Variants in PCDH15 observed in about 807,000 individuals in gnomAD.
PCDH15 encodes the protein protocadherin related 15.
In PCDH15, 129 loss-of-function variants were observed where a neutral mutation model predicts 178.5. The observed-to-expected ratio is 0.72, with a 90% CI of 0.63 to 0.84. PCDH15 has a LOEUF of 0.84. Among genes scored for constraint, PCDH15 ranks in the 40% least tolerant of loss-of-function variants. The pLI, the probability that PCDH15 is intolerant of heterozygous loss-of-function variation, is 0.00. For synonymous variants in PCDH15, 800 were observed against 732.0 expected (o/e 1.09, Z -1.50); for missense variants, 2,230 against 2,099.9 (o/e 1.06, Z -1.21).
intron 26 of PCDH15, among the ~76,000 whole-genome samples, chr10:53,901,355 C>A (rs1302384751): frequency 6.6e-6 from 1 of 152,086 alleles, no homozygotes; most frequent in Non-Finnish European, 1.5e-5. Context: ...ACAAAAACCA[C>A]CAAGTCATTC....
At chr10:54,069,023 G>T (rs996526096) in intron 17 of PCDH15, among the ~76,000 whole-genome samples, 4 of 152,050 alleles carry the variant, frequency 2.6e-5, no homozygotes, top group African/African-American at 9.7e-5. Context: ...CTCCCAAAAG[G>T]CTACCATGCT....
intron 2 of PCDH15, among the ~76,000 whole-genome samples, chr10:55,539,057 T>C (rs1234232178): frequency 6.8e-6 from 1 of 148,048 alleles, no homozygotes; most frequent in Non-Finnish European, 1.5e-5. Context: ...CCTCCCTCCC[T>C]TCCTCTCTCT....
At chr10:55,022,253 G>T (rs1390157591) in intron 2 of PCDH15, among the ~76,000 whole-genome samples, 1 of 152,026 alleles carries the variant, frequency 6.6e-6, no homozygotes, top group African/African-American at 2.4e-5. Flanking sequence ...AGGAGTTCAA[G>T]ACCAGCCTGG....
chr10:55,039,614 C>T (rs553936526), intron 2 of PCDH15, among the ~76,000 whole-genome samples: 2 of 152,068 alleles, frequency 1.3e-5, no homozygotes, highest in Non-Finnish European at 2.9e-5. Context: ...ATGAATACTC[C>T]CAAATTGAAA....
chr10:54,505,291 C>A (rs61123169), intron 3 of PCDH15, among the ~76,000 whole-genome samples: 6,140 of 152,098 alleles, frequency 0.04, 144 homozygotes, highest in East Asian at 0.097. Context: ...TATGTATACA[C>A]AGGTCTCTGT....
chr10:55,467,756 G>A (rs1371015799), intron 2 of PCDH15, among the ~76,000 whole-genome samples: 1 of 151,660 alleles, frequency 6.6e-6, no homozygotes, highest in East Asian at 2.0e-4. Flanking sequence ...ATGAGGTCAG[G>A]AGATCGAGAT....
At chr10:53,912,607 CA>C (rs1452244529) in intron 25 of PCDH15, among the ~76,000 whole-genome samples, 1 of 152,174 alleles carries the variant, frequency 6.6e-6, no homozygotes, top group African/African-American at 2.4e-5. Context: ...TCTCAGGATA[CA>C]AAATCAATGT....
At chr10:54,123,701 C>G (rs1425877364) in intron 15 of PCDH15, among the ~76,000 whole-genome samples, 2 of 152,072 alleles carry the variant, frequency 1.3e-5, no homozygotes, top group Non-Finnish European at 2.9e-5. Context: ...GACACAGGCA[C>G]TTGTATGCTC....
intron 8 of PCDH15, among the ~76,000 whole-genome samples, chr10:54,269,200 T>C (rs1195810930): frequency 1.3e-5 from 2 of 151,984 alleles, no homozygotes; most frequent in African/African-American, 4.8e-5. Flanking sequence ...AGGTGATTGA[T>C]AAATGAGAAA....
chr10:54,433,639 A>G (rs1413199599), intron 3 of PCDH15, among the ~76,000 whole-genome samples: 1 of 152,190 alleles, frequency 6.6e-6, no homozygotes, highest in Non-Finnish European at 1.5e-5. Context: ...GTAGCTCAAC[A>G]GAGGGACTAT....
intron 3 of PCDH15, among the ~76,000 whole-genome samples, chr10:54,825,488 C>A (rs1212887664): frequency 6.8e-6 from 1 of 147,870 alleles, no homozygotes; most frequent in African/African-American, 2.5e-5. Context: ...ACAGTCCCAC[C>A]AACAGTGTAA....
At chr10:55,553,235 A>C (rs1399162661) in intron 2 of PCDH15, among the ~76,000 whole-genome samples, 1 of 151,516 alleles carries the variant, frequency 6.6e-6, no homozygotes, top group Non-Finnish European at 1.5e-5. Flanking sequence ...TGAAATCCAA[A>C]TTCATGTTAT....
chr10:55,539,519 T>A (rs947214453), intron 2 of PCDH15, among the ~76,000 whole-genome samples: 1 of 152,084 alleles, frequency 6.6e-6, no homozygotes, highest in Non-Finnish European at 1.5e-5. Context: ...AATGCTTTAA[T>A]AGGATGTCTC....
At chr10:55,332,453 C>G (rs1844226412) in intron 2 of PCDH15, among the ~76,000 whole-genome samples, 1 of 152,124 alleles carries the variant, frequency 6.6e-6, no homozygotes, top group South Asian at 2.1e-4. Flanking sequence ...AGAACTAGAT[C>G]AAATCCATAA....
intron 26 of PCDH15, among the ~76,000 whole-genome samples, chr10:53,867,228 T>C (rs981416491): frequency 1.3e-5 from 2 of 152,076 alleles, no homozygotes; most frequent in African/African-American, 4.8e-5. Context: ...CACATATGAA[T>C]AAGAACATGT....
At chr10:53,975,958 G>T (rs1432324572) in intron 21 of PCDH15, among the ~76,000 whole-genome samples, 1 of 152,096 alleles carries the variant, frequency 6.6e-6, no homozygotes, top group East Asian at 1.9e-4. Flanking sequence ...GTGGTTGAAG[G>T]AAAGGCCTAG....
At chr10:55,124,584 T>A (rs1466213824) in intron 2 of PCDH15, among the ~76,000 whole-genome samples, 1 of 152,142 alleles carries the variant, frequency 6.6e-6, no homozygotes, top group African/African-American at 2.4e-5. Flanking sequence ...TTTTAAACTA[T>A]AGACACAGGT....
chr10:54,680,667 T>C lies in PCDH15; in HGVS notation c.-28-16377A>G, dbSNP rs924775315. 8.5e-5 allele frequency among the ~76,000 whole-genome samples: 13 copies of C among 152,248 alleles called. 1 individual carries two copies. The East Asian group carries it at 2.5e-3, about 30-fold the overall frequency. On this transcript the variant is annotated intron_variant, in intron 1 of 37. Coordinates refer to ENST00000644397, the MANE Select transcript of PCDH15 (RefSeq NM_001384140.1). The stretch of plus-strand genomic sequence containing the variant: ...TTCCCCCATACTGTTCTTGTGATAG[T>C]GAATAAGTCTCATGAGATCTGGTTC...
intron 26 of PCDH15, among the ~76,000 whole-genome samples, chr10:53,880,628 C>A (rs10763015): frequency 6.6e-6 from 1 of 151,346 alleles, no homozygotes; most frequent in African/African-American, 2.4e-5. Flanking sequence ...TTATTGCTTT[C>A]ATAGTAAAAG....
Sources: allele counts gnomAD v4.1 joint callset (sites outside exome capture counted in the v4.1 genomes callset), GRCh38; gene constraint gnomAD v4.1.1; transcripts MANE v1.5; gene names NCBI Gene and HGNC (gene_info 2026-07-23, HGNC 2026-07-21).